Variants in MLLT10 observed in about 807,000 individuals in gnomAD.
MLLT10 encodes protein AF-10.
Under a neutral mutation model 129.1 loss-of-function variants are expected in MLLT10, and 30 were observed. That is an observed-to-expected ratio of 0.23 (90% CI 0.17 to 0.32). The LOEUF (loss-of-function observed/expected upper bound fraction) is 0.32, where lower values mean the gene tolerates loss of function less well. Among genes scored for constraint, MLLT10 ranks in the 10% least tolerant of loss-of-function variants. MLLT10 has a pLI of 1.00. For synonymous variants in MLLT10, 490 were observed against 446.4 expected, an observed-to-expected ratio of 1.10 and a Z score of -1.23; for missense variants, 1,119 against 1,268.3, an observed-to-expected ratio of 0.88 and a Z score of 1.79.
intron 9 of MLLT10, among the ~76,000 whole-genome samples, chr10:21,655,753 A>T (rs1231003667): frequency 7.2e-5 from 11 of 152,184 alleles, no homozygotes; most frequent in Non-Finnish European, 1.3e-4. Context: ...ATACCCAGTG[A>T]TACAAGAGCT....
chr10:21,552,885 C>T (rs1225130300), intron 3 of MLLT10, among the ~76,000 whole-genome samples: 2 of 151,820 alleles, frequency 1.3e-5, no homozygotes, highest in African/African-American at 2.4e-5. Context: ...TCTTTCTTCT[C>T]TCCCCTTTTA....
chr10:21,627,655 T>A (rs1190160226), intron 8 of MLLT10, among the ~76,000 whole-genome samples: 1 of 152,240 alleles, frequency 6.6e-6, no homozygotes, highest in Admixed American at 6.5e-5. Flanking sequence ...TACTCTTTTT[T>A]AAATCTTCAT....
chr10:21,728,407 T>C (rs1236323120), intron 16 of MLLT10, among the ~76,000 whole-genome samples: 1 of 152,240 alleles, frequency 6.6e-6, no homozygotes, highest in Non-Finnish European at 1.5e-5. Flanking sequence ...TACAAGTTTT[T>C]TGAAATCATT....
intron 4 of MLLT10, among the ~76,000 whole-genome samples, chr10:21,589,324 GTTTT>G (rs201960289): frequency 1.5e-5 from 2 of 133,688 alleles, no homozygotes; most frequent in Non-Finnish European, 3.3e-5. Context: ...CTATTCCAAA[GTTTT>G]TTTTTTTTTT....
In MLLT10 at chr10:21,734,045, C is replaced by G; in HGVS notation, c.2774C>G (p.Thr925Arg). Residue 925 changes from threonine (T) to arginine (R), a missense_variant, in exon 20 of 23, where the codon ACA (threonine) becomes AGA (arginine). Transcript: ENST00000307729. Reference protein sequence around the residue: ...ALNGVMQTPVTMSQNPTPLTH... With the variant: ...ALNGVMQTPVRMSQNPTPLTH... Reference sequence around the variant, plus strand: ...AATGGGGTTATGCAGACTCCTGTCACAATGTCCCAGAACCCTACCCCTCTC... The same window carrying G: ...AATGGGGTTATGCAGACTCCTGTCAGAATGTCCCAGAACCCTACCCCTCTC... 1 of 1,614,180 alleles carries G rather than the reference C, an allele frequency of 6.2e-7. No individual in the cohort carries two copies. The highest frequency in any genetic ancestry group is 1.3e-5 in the African/African-American group (1 of 75,048).
chr10:21,614,711 T>C (rs2045055085), intron 6 of MLLT10, 120 bp from the exon 7 acceptor site: 2 of 705,068 alleles, frequency 2.8e-6, no homozygotes, highest in African/African-American at 1.8e-5. Flanking sequence ...TTTCTCATTT[T>C]TTTCTTAGGA....
intron 14 of MLLT10, among the ~76,000 whole-genome samples, chr10:21,724,341 G>C (rs1288228244): frequency 6.6e-6 from 1 of 152,242 alleles, no homozygotes; most frequent in Non-Finnish European, 1.5e-5. Flanking sequence ...TGAAGGCCAA[G>C]ATGCAATGTC....
rs553361819 is a variant in MLLT10, at chr10:21,643,459, CTT to C, written c.700-8210_700-8209del. Among the ~76,000 whole-genome samples, 821 of 152,244 alleles carry C rather than the reference CTT, an allele frequency of 5.4e-3. 5 individuals are homozygous for C. The highest frequency in any genetic ancestry group is 0.018 in the African/African-American group (768 of 41,532). On this transcript the variant is annotated intron_variant, in intron 8 of 22. Coordinates refer to ENST00000307729, the MANE Select transcript of MLLT10 (RefSeq NM_001195626.3). ...AATTCGTTAGCTGCTCACTATTAGT[CTT>C]TTTACCACAGCTATTCCAGTAAGTT...
intron 5 of MLLT10, among the ~76,000 whole-genome samples, chr10:21,600,037 A>C (rs1298587333): frequency 2.0e-5 from 3 of 152,234 alleles, no homozygotes; most frequent in Non-Finnish European, 4.4e-5. Flanking sequence ...CAACTTTTTC[A>C]ACACTATTGC....
At chr10:21,640,239 T>C (rs1034351900) in intron 8 of MLLT10, among the ~76,000 whole-genome samples, 44 of 143,766 alleles carry the variant, frequency 3.1e-4, no homozygotes, top group Middle Eastern at 3.4e-3. Context: ...TATTATGTAA[T>C]ATAAATATTT....
In MLLT10 at chr10:21,534,308, C is replaced by T. The variant is rs1196574282; in HGVS notation, c.-213C>T. ...TCGCTGCCCCTGGCCCAGCGGGAGC[C>T]CCCCCTCCCCCCAGTGCGCCTGTGC... On this transcript the variant is annotated 5_prime_UTR_variant, in exon 1 of 23. Transcript: ENST00000307729. 1.8e-5 allele frequency: 7 copies of T among 381,966 alleles called. No homozygotes were observed. The East Asian group carries it at 2.1e-4, about 12-fold the overall frequency. 23.7% of individuals were successfully genotyped at this position (381,966 alleles called of 1,614,324 possible). A position where few individuals can be genotyped will look rare whatever the true frequency, so the allele number is the denominator to read the frequency against.
chr10:21,674,772 T>A lies in MLLT10; in HGVS notation c.1621+853T>A, dbSNP rs1183738989. On this transcript the variant is annotated intron_variant, in intron 11 of 22. Coordinates refer to ENST00000307729, the MANE Select transcript of MLLT10 (RefSeq NM_001195626.3). The stretch of plus-strand genomic sequence containing the variant: ...AACCTTTCTTCTAGTTTTAGATTTC[T>A]GATTGTTGAAATAACAAGAATTTAG... Among the ~76,000 whole-genome samples the A allele has an allele frequency of 2.0e-5, 3 of 152,304 alleles. No individual in the cohort carries two copies. The East Asian group carries it at 5.8e-4, about 29-fold the overall frequency.
At chr10:21,739,199 C>G (rs1589932637) in intron 21 of MLLT10, among the ~76,000 whole-genome samples, 1 of 152,246 alleles carries the variant, frequency 6.6e-6, no homozygotes, top group East Asian at 1.9e-4. Flanking sequence ...CCATGCCTTG[C>G]CACTGCAAGC....
intron 3 of MLLT10, among the ~76,000 whole-genome samples, chr10:21,559,700 T>C (rs1406710904): frequency 6.6e-6 from 1 of 152,216 alleles, no homozygotes; most frequent in Non-Finnish European, 1.5e-5. Flanking sequence ...AGTGGAATCT[T>C]ATATTTGTTC....
At chr10:21,603,827 GTTTTTTT>G (rs35036317) in intron 5 of MLLT10, among the ~76,000 whole-genome samples, 1 of 142,516 alleles carries the variant, frequency 7.0e-6, no homozygotes, top group Non-Finnish European at 1.5e-5. Context: ...TTGTTTTTTT[GTTTTTTT>G]TTTTTTAATC....
chr10:21,665,181 A>G lies in MLLT10; in HGVS notation c.796-5268A>G, dbSNP rs573483125. ...GGCTGGTCCTGAACTCTTGGCCTCA[A>G]GTGATCCACCTGTGTCGGCCTCTTA... On this transcript the variant is annotated intron_variant, in intron 9 of 22. Coordinates refer to ENST00000307729, the MANE Select transcript of MLLT10 (RefSeq NM_001195626.3). Among the ~76,000 whole-genome samples the G allele has an allele frequency of 8.6e-5, 13 of 151,162 alleles. No homozygotes were observed. In the East Asian group the frequency reaches 2.6e-3, roughly 30 times the overall value.
At chr10:21,707,256 G>A (rs1360005749) in intron 13 of MLLT10, among the ~76,000 whole-genome samples, 1 of 147,832 alleles carries the variant, frequency 6.8e-6, no homozygotes, top group Non-Finnish European at 1.5e-5. Context: ...GCAGTGGCGC[G>A]ATCTCGACTC....
intron 8 of MLLT10, among the ~76,000 whole-genome samples, chr10:21,621,442 T>G (rs1156530584): frequency 6.6e-6 from 1 of 152,096 alleles, no homozygotes; most frequent in Non-Finnish European, 1.5e-5. Flanking sequence ...AGACGGGGTT[T>G]CACCGTGTTA....
intron 4 of MLLT10, among the ~76,000 whole-genome samples, chr10:21,588,140 C>G (rs2042174122): frequency 6.6e-6 from 1 of 152,102 alleles, no homozygotes. Context: ...AGTCTCAGCT[C>G]ACTGCAACCT....
Sources: allele counts gnomAD v4.1 joint callset (sites outside exome capture counted in the v4.1 genomes callset), GRCh38; gene constraint gnomAD v4.1.1; transcripts MANE v1.5; gene names NCBI Gene and HGNC (gene_info 2026-07-23, HGNC 2026-07-21).